The following TRIM25 variants were observed in gnomAD, a reference collection of about 807,000 sequenced individuals.
TRIM25 encodes the protein E3 ubiquitin/ISG15 ligase TRIM25.
A neutral mutation model predicts 65.2 loss-of-function variants in TRIM25; 45 were observed. The observed-to-expected ratio is 0.69, with a 90% CI of 0.54 to 0.89. The LOEUF is 0.89. Among genes scored for constraint, TRIM25 ranks in the 40% least tolerant of loss-of-function variants. TRIM25 has a pLI of 0.00. For synonymous variants in TRIM25, 321 were observed against 340.4 expected, an observed-to-expected ratio of 0.94 and a Z score of 0.63; for missense variants, 714 against 803.7, an observed-to-expected ratio of 0.89 and a Z score of 1.35.
At chr17:56,892,814 G>C (rs1477038298) in intron 8 of TRIM25, among the ~76,000 whole-genome samples, 2 of 152,198 alleles carry the variant, frequency 1.3e-5, no homozygotes, top group African/African-American at 4.8e-5. Context: ...AGAGAGACAA[G>C]GTGCCGGGCC....
At chr17:56,899,257 G>A in intron 4 of TRIM25, 77 bp from the exon 5 acceptor site, 1 of 1,502,582 alleles carries the variant, frequency 6.7e-7, no homozygotes, top group Admixed American at 1.7e-5. Flanking sequence ...ATGGGTCGGT[G>A]GGCAGGCAGA....
rs1909662997 is a variant in TRIM25, at chr17:56,913,207, T to C, written c.597+185A>G. The C allele has an allele frequency of 2.2e-6, 1 of 463,868 alleles. No individual in the cohort carries two copies. 28.7% of individuals were successfully genotyped at this position (463,868 alleles called of 1,614,324 possible). A position where few individuals can be genotyped will look rare whatever the true frequency, so the allele number is the denominator to read the frequency against. ...TGGCAAGCAACCTAACCTGTCTTCATGGATGATGGGAAGGGACTATATAAT... is the reference window on the plus strand; with the variant it reads ...TGGCAAGCAACCTAACCTGTCTTCACGGATGATGGGAAGGGACTATATAAT... On this transcript the variant is annotated intron_variant, in intron 1 of 8. Coordinates refer to ENST00000316881, the MANE Select transcript of TRIM25 (RefSeq NM_005082.5). This position sits in a 1 kb window ranked among gnomAD's most constrained non-coding sequence, Gnocchi z 6.1.
At chr17:56,895,998 C>T in intron 5 of TRIM25, 46 bp from the exon 6 acceptor site, 1 of 1,569,014 alleles carries the variant, frequency 6.4e-7, no homozygotes, top group Non-Finnish European at 8.7e-7. Context: ...AGGCACAACA[C>T]AATGACATTT....
chr17:56,898,578 T>G (rs1020856907), intron 5 of TRIM25, among the ~76,000 whole-genome samples: 2 of 152,204 alleles, frequency 1.3e-5, no homozygotes, highest in Admixed American at 6.5e-5. Flanking sequence ...ACTCTTTTTA[T>G]GTGTAAAAGC....
rs985680885 is a variant in TRIM25 at position 56,913,716 on chromosome 17, C to A, written c.273G>T (p.Thr91=). The A allele has an allele frequency of 1.3e-6, 2 of 1,563,872 alleles. No homozygotes were observed. The highest frequency in any genetic ancestry group is 2.4e-5 in the South Asian group (2 of 84,344). ...TGGGTGCAGAGGCGCGGGCGGGCGG[C>A]GTCCAGACGTCGGCGGGTGGCTCCC... ...LAREPPADVW[T]PPARASAPSP... The change falls in exon 1 of 9, where the codon ACG becomes ACT. Residue 91 remains threonine (T), a synonymous_variant. Transcript: ENST00000316881. This position sits in a 1 kb window ranked among gnomAD's most constrained non-coding sequence, Gnocchi z 6.1.
chr17:56,904,312 G>A lies in TRIM25; in HGVS notation c.870C>T (p.Thr290=). ...GGCTCTGTTCAATCTCCTCCTTCAA[G>A]GTCTGGATCTCACTCTTCTTCTTGA... ...ILLKKKSEIQ[T]LKEEIEQSLT... The change falls in exon 3 of 9, where the codon ACC becomes ACT. Residue 290 remains threonine, a synonymous_variant. Transcript: ENST00000316881. The A allele has an allele frequency of 1.9e-6, 3 of 1,613,914 alleles. No individual in the cohort carries two copies. Among genetic ancestry groups the A allele is most frequent in the Non-Finnish European group, 2.5e-6 (3 of 1,180,008 alleles).
chr17:56,901,660 C>T (rs989138983), intron 3 of TRIM25, 82 bp from the exon 4 acceptor site: 1 of 1,559,028 alleles, frequency 6.4e-7, no homozygotes, highest in East Asian at 2.2e-5. Context: ...CCAGGAGGCT[C>T]TCCCCTATGC....
Position 56,913,723 on chromosome 17 carries a change from A to C in TRIM25, c.266T>G (p.Val89Gly), listed in dbSNP as rs7212260. Residue 89 changes from valine to glycine, a missense_variant, in exon 1 of 9, where the codon GTC (valine) becomes GGC (glycine). Physicochemically the swap from Val to Gly is moderately radical, Grantham distance 109. Transcript: ENST00000316881. The surrounding 1 kb of genome is among the most constrained non-coding windows in gnomAD (Gnocchi z 6.1). ...ADLAREPPAD[V>G]WTPPARASAP... ...AGAGGCGCGGGCGGGCGGCGTCCAG[A>C]CGTCGGCGGGTGGCTCCCGGGCCAG... 8,662 of 1,558,618 alleles carry C rather than the reference A, an allele frequency of 5.6e-3. 424 individuals are homozygous for C. In the African/African-American group the frequency reaches 0.1, roughly 19 times the overall value.
chr17:56,891,580 T>A lies in TRIM25; in HGVS notation c.*120A>T. On this transcript the variant is annotated 3_prime_UTR_variant, in exon 9 of 9. Transcript: ENST00000316881. ...CCTCCCACCCTCCCGCCAGCTCCCC[T>A]CCCATGCTCCCAATCCTTGGGACCT... is the stretch of plus-strand genomic sequence containing the variant. The A allele has an allele frequency of 4.9e-5, 14 of 284,274 alleles. No individual in the cohort carries two copies. Among genetic ancestry groups the A allele is most frequent in the Non-Finnish European group, 7.3e-5 (12 of 165,206 alleles). The allele number at this position is 284,274 out of a possible 1,614,324, so 17.6% of individuals were successfully genotyped here.
At chr17:56,893,464 G>A (rs1287608737) in intron 8 of TRIM25, among the ~76,000 whole-genome samples, 1 of 152,240 alleles carries the variant, frequency 6.6e-6, no homozygotes, top group Non-Finnish European at 1.5e-5. Context: ...CTCTTGGGGG[G>A]CAGGGACAGC....
At chr17:56,893,853 G>A (rs1010594442) in intron 8 of TRIM25, among the ~76,000 whole-genome samples, 4 of 152,188 alleles carry the variant, frequency 2.6e-5, no homozygotes, top group Non-Finnish European at 4.4e-5. Context: ...GCTGAAAGGC[G>A]TCCCTGGATT....
chr17:56,904,630 G>C, intron 2 of TRIM25, 142 bp from the exon 3 acceptor site: 1 of 717,078 alleles, frequency 1.4e-6, no homozygotes, highest in Non-Finnish European at 2.3e-6. Context: ...GAGCAACTTG[G>C]CAATATCTAA....
rs766589130 is a variant in TRIM25, at chr17:56,904,463, T to C, written c.719A>G (p.Gln240Arg). ...CATTTCCGTGTATTCTTGTTGTAGCTGCTCCACCTTTCTGTTTGCAGTCAT... is the reference window on the plus strand; with the variant it reads ...CATTTCCGTGTATTCTTGTTGTAGCCGCTCCACCTTTCTGTTTGCAGTCAT... ...VRMTANRKVE[Q>R]LQQEYTEMKA... The change falls in exon 3 of 9, where the codon CAG becomes CGG. Residue 240 changes from glutamine (Q) to arginine (R), a missense_variant. Coordinates refer to ENST00000316881, the MANE Select transcript of TRIM25 (RefSeq NM_005082.5). 2 of 1,614,068 alleles carry C rather than the reference T, an allele frequency of 1.2e-6. No individual in the cohort carries two copies. The highest frequency in any genetic ancestry group is 1.7e-6 in the Non-Finnish European group (2 of 1,180,036).
Position 56,913,824 on chromosome 17 carries a change from G to C in TRIM25, c.165C>G (p.Ala55=). 8 of 1,562,894 alleles carry C rather than the reference G, an allele frequency of 5.1e-6. No individual in the cohort carries two copies. The highest frequency in any genetic ancestry group is 3.5e-5 in the South Asian group (3 of 85,856). The part of the protein sequence containing the change: ...GSPYLCPQCR[A]VYQARPQLHK... ...GCAGCTGCGGTCGCGCCTGGTAGAC[G>C]GCGCGGCACTGCGGGCACAGGTATG... Residue 55 remains alanine (A), a synonymous_variant, in exon 1 of 9, where the codon GCC becomes GCG. Transcript: ENST00000316881. This position sits in a 1 kb window ranked among gnomAD's most constrained non-coding sequence, Gnocchi z 6.1.
At position 56,913,468 on chromosome 17, in the gene TRIM25, C is replaced by T; in HGVS notation, c.521G>A (p.Cys174Tyr). ...CTCCACCAGGCAGATGTGGCAGATG[C>T]ACTCGCTGTGCTCGGGGCAGAAAAA... ...REFFCPEHSECICHICLVEHK... is the reference protein window; with the variant it reads ...REFFCPEHSEYICHICLVEHK... The change falls in exon 1 of 9, where the codon TGC becomes TAC. Residue 174 changes from cysteine (C) to tyrosine (Y), a missense_variant. By Grantham distance (194) the Cys-to-Tyr change is radical. This residue lies in a region of TRIM25 where 291 missense variants were observed against 281.8 expected (regional missense o/e 1.03). Coordinates refer to ENST00000316881, the MANE Select transcript of TRIM25 (RefSeq NM_005082.5). The surrounding 1 kb of genome is among the most constrained non-coding windows in gnomAD (Gnocchi z 6.1). 6.2e-7 allele frequency: 1 copy of T among 1,611,988 alleles called. No homozygotes were observed. Among genetic ancestry groups the T allele is most frequent in the Non-Finnish European group, 8.5e-7 (1 of 1,178,710 alleles).
chr17:56,910,290 C>T (rs1909602004), intron 1 of TRIM25, among the ~76,000 whole-genome samples: 1 of 152,164 alleles, frequency 6.6e-6, no homozygotes, highest in Admixed American at 6.5e-5. Context: ...TTTGAACAAC[C>T]CAGTGACAGT....
In TRIM25 at chr17:56,905,869, A is replaced by C. The variant is rs1256870881; in HGVS notation, c.694-1381T>G. Among the ~76,000 whole-genome samples, 3 of 152,294 alleles carry C rather than the reference A, an allele frequency of 2.0e-5. No individual in the cohort carries two copies. In the East Asian group the frequency reaches 5.8e-4, roughly 29 times the overall value. On this transcript the variant is annotated intron_variant, in intron 2 of 8. Coordinates refer to ENST00000316881, the MANE Select transcript of TRIM25 (RefSeq NM_005082.5). ...GTGGTGAAGGGGAGTAGGCTCAGTC[A>C]GGAAGATTACTTGAGCCCAGGAGTT...
At chr17:56,908,609 GC>G in intron 1 of TRIM25, 46 bp from the exon 2 acceptor site, 1 of 1,576,034 alleles carries the variant, frequency 6.3e-7, no homozygotes. Flanking sequence ...CTTCAGCCCA[GC>G]CCCACCAGAA....
At chr17:56,897,164 C>T (rs1909311093) in intron 5 of TRIM25, among the ~76,000 whole-genome samples, 1 of 152,054 alleles carries the variant, frequency 6.6e-6, no homozygotes, top group African/African-American at 2.4e-5. Flanking sequence ...GCCACTGAAT[C>T]ATAAAGGCTG....
Sources: allele counts gnomAD v4.1 joint callset (sites outside exome capture counted in the v4.1 genomes callset), GRCh38; gene constraint gnomAD v4.1.1; regional missense constraint gnomAD v4.1.1; non-coding constraint Gnocchi (gnomAD v3.1); transcripts MANE v1.5; gene names NCBI Gene and HGNC (gene_info 2026-07-23, HGNC 2026-07-21).